The following UTP20 variants were observed in gnomAD, a reference collection of about 807,000 sequenced individuals.
UTP20 encodes small subunit processome component 20 homolog.
In UTP20, 164 loss-of-function variants were observed where a neutral mutation model predicts 329.5. The ratio of observed to expected loss-of-function variants is 0.50; its 90% CI spans 0.44 to 0.57. UTP20 has a LOEUF of 0.57. UTP20 is among the 20% of genes least tolerant of loss of function. UTP20 has a pLI of 0.00. For synonymous variants in UTP20, 1,151 were observed against 1,159.3 expected (o/e 0.99, Z 0.14); for missense variants, 3,055 against 3,284.2 (o/e 0.93, Z 1.71).
rs1425098697 is a variant in UTP20 at position 101,295,476 on chromosome 12, T to G, written c.1252-4T>G. On this transcript the variant is annotated splice_region_variant and splice_polypyrimidine_tract_variant and intron_variant, in intron 11 of 61. Coordinates refer to ENST00000261637, the MANE Select transcript of UTP20 (RefSeq NM_014503.3). ...AAGTGTGATTTTTTTTTTCTTAACT[T>G]TAGCTTTTTCTACCAAGCTTTCTGT... 6 of 1,565,598 alleles carry G rather than the reference T, an allele frequency of 3.8e-6. No individual in the cohort carries two copies. The African/African-American group carries it at 5.4e-5, about 14-fold the overall frequency.
At chr12:101,327,028 A>G (rs1038426364) in intron 25 of UTP20, 53 bp from the exon 26 acceptor site, 1 of 1,539,478 alleles carries the variant, frequency 6.5e-7, no homozygotes, top group Non-Finnish European at 8.8e-7. Flanking sequence ...AAATAAAACA[A>G]CTCATATTTT....
Position 101,312,026 on chromosome 12 carries a change from T to C in UTP20, c.2312-10T>C. 1.2e-6 allele frequency: 2 copies of C among 1,613,976 alleles called. No individual in the cohort carries two copies. The highest frequency in any genetic ancestry group is 4.5e-5 in the East Asian group (2 of 44,888). On this transcript the variant is annotated splice_polypyrimidine_tract_variant and intron_variant, in intron 20 of 61. Transcript: ENST00000261637. ...TTGTCTGGTGGTTATGACAACTTTCTTTCTTGCAGAGAAGGAACTACAGAA... is the reference window on the plus strand; with the variant it reads ...TTGTCTGGTGGTTATGACAACTTTCCTTCTTGCAGAGAAGGAACTACAGAA...
intron 25 of UTP20, among the ~76,000 whole-genome samples, chr12:101,325,234 A>G (rs916029861): frequency 2.0e-5 from 3 of 152,186 alleles, no homozygotes; most frequent in Admixed American, 2.0e-4. Flanking sequence ...CCTCTCTCAG[A>G]ACCCACTTTA....
Position 101,342,565 on chromosome 12 carries a change from A to G in UTP20, c.4221A>G (p.Arg1407=), listed in dbSNP as rs1385087788. The G allele has an allele frequency of 8.1e-6, 13 of 1,612,770 alleles. No individual in the cohort carries two copies. The highest frequency in any genetic ancestry group is 1.3e-5 in the African/African-American group (1 of 74,844). Residue 1407 remains arginine (R), a synonymous_variant, in exon 33 of 62, where the codon AGA becomes AGG. Coordinates refer to ENST00000261637, the MANE Select transcript of UTP20 (RefSeq NM_014503.3). ...LFSVIKNKLS[R]KLLCTVFETL... The stretch of plus-strand genomic sequence containing the variant: ...CAGTTATTAAGAACAAATTGTCAAG[A>G]AAATTGCTTTGTACGGTTTTTGAGG...
Position 101,356,610 on chromosome 12 carries a change from A to T in UTP20, c.5451A>T (p.Glu1817Asp), listed in dbSNP as rs779728964. The change falls in exon 42 of 62, where the codon GAA (glutamate) becomes GAT (aspartate). Residue 1817 changes from glutamate to aspartate, a missense_variant. This residue lies in a region of UTP20 where 2,445 missense variants were observed against 2,575.5 expected (regional missense o/e 0.95). Transcript: ENST00000261637. ...AGTCAAAGGTTGTGAATGATGAGGA[A>T]GTCGTTCGAGTTCCATTAGCTTTTG... is the stretch of plus-strand genomic sequence containing the variant. Reference protein sequence around the residue: ...LVKSKVVNDEEVVRVPLAFAM... With the variant: ...LVKSKVVNDEDVVRVPLAFAM... 13 of 1,614,010 alleles carry T rather than the reference A, an allele frequency of 8.1e-6. No individual in the cohort carries two copies. In the South Asian group the frequency reaches 1.3e-4, roughly 16 times the overall value.
At chr12:101,355,751 A>C (rs2120980822) in intron 41 of UTP20, among the ~76,000 whole-genome samples, 1 of 152,300 alleles carries the variant, frequency 6.6e-6, no homozygotes, top group Non-Finnish European at 1.5e-5. Context: ...TCCTGGTATA[A>C]AATATTGATT....
chr12:101,342,679 G>T, intron 33 of UTP20, 90 bp downstream of exon 33: 1 of 1,534,560 alleles, frequency 6.5e-7, no homozygotes, highest in Non-Finnish European at 8.9e-7. Flanking sequence ...CTTCATGCCA[G>T]GGTGATGTTT....
At position 101,309,830 on chromosome 12, in the gene UTP20, A is replaced by G; in HGVS notation, c.2222A>G (p.Glu741Gly). The part of the protein sequence containing the change: ...NFSALWDPVI[E>G]LISSHAHEME... ...AGTGCACTCTGGGATCCTGTTATTGAACTCATAAGGTAAACATGGGTTAAA... is the reference window on the plus strand; with the variant it reads ...AGTGCACTCTGGGATCCTGTTATTGGACTCATAAGGTAAACATGGGTTAAA... The change falls in exon 19 of 62, where the codon GAA (glutamate) becomes GGA (glycine). Residue 741 changes from glutamate (E) to glycine (G), a missense_variant. Physicochemically the swap from Glu to Gly is moderately conservative, Grantham distance 98. Transcript: ENST00000261637. 1 of 1,613,498 alleles carries G rather than the reference A, an allele frequency of 6.2e-7. No individual in the cohort carries two copies. Among genetic ancestry groups the G allele is most frequent in the Non-Finnish European group, 8.5e-7 (1 of 1,179,852 alleles).
intron 12 of UTP20, among the ~76,000 whole-genome samples, chr12:101,296,240 T>G (rs1032874908): frequency 1.4e-4 from 21 of 152,180 alleles, no homozygotes; most frequent in Non-Finnish European, 2.9e-5. Context: ...TCTGGAACTG[T>G]TCCCTCACCA....
At chr12:101,344,492 C>T (rs1869253350) in intron 35 of UTP20, 103 bp from the exon 36 acceptor site, 1 of 693,800 alleles carries the variant, frequency 1.4e-6, no homozygotes, top group South Asian at 1.8e-5. Flanking sequence ...GGCATTTTTA[C>T]AAGCACAGTG....
At position 101,306,007 on chromosome 12, in the gene UTP20, A is replaced by G. The variant is rs1235750427; in HGVS notation, c.1874A>G (p.Glu625Gly). 6.2e-7 allele frequency: 1 copy of G among 1,613,948 alleles called. No homozygotes were observed. The highest frequency in any genetic ancestry group is 1.7e-5 in the Admixed American group (1 of 60,004). The change falls in exon 16 of 62, where the codon GAG becomes GGG. Residue 625 changes from glutamate (E) to glycine (G), a missense_variant. Physicochemically the swap from Glu to Gly is moderately conservative, Grantham distance 98. Around this residue, in one of 3 missense-constraint regions of UTP20, gnomAD observed 2,445 missense variants for 2,575.5 expected, o/e 0.95. Coordinates refer to ENST00000261637, the MANE Select transcript of UTP20 (RefSeq NM_014503.3). The part of the protein sequence containing the change: ...LCGCKGPLSQ[E>G]ALMELFPKLQ... The stretch of plus-strand genomic sequence containing the variant: ...GGCTGCAAAGGGCCACTTTCCCAGG[A>G]GGCTTTAATGGAATTATTTCCCAAG...
chr12:101,302,632 GA>G (rs1279383443), intron 15 of UTP20, 79 bp downstream of exon 15: 1 of 923,450 alleles, frequency 1.1e-6, no homozygotes, highest in Non-Finnish European at 1.6e-6. Flanking sequence ...TGGACACAAA[GA>G]AAATCCCTTT....
Position 101,284,592 on chromosome 12 carries a change from G to A in UTP20, c.127-978G>A, listed in dbSNP as rs150897511. 3.1e-3 allele frequency among the ~76,000 whole-genome samples: 475 copies of A among 151,988 alleles called. 2 individuals are homozygous for A. The highest frequency in any genetic ancestry group is 0.01 in the African/African-American group (430 of 41,438). ...TTTTTGGTAGAATGATTGTTTTGGG[G>A]GGGTATGCATTTATTTATACATCTA... On this transcript the variant is annotated intron_variant, in intron 2 of 61. Coordinates refer to ENST00000261637, the MANE Select transcript of UTP20 (RefSeq NM_014503.3).
chr12:101,331,173 T>C (rs1374272025), intron 27 of UTP20, among the ~76,000 whole-genome samples: 1 of 152,194 alleles, frequency 6.6e-6, no homozygotes, highest in Non-Finnish European at 1.5e-5. Context: ...TCAGGATTTT[T>C]CTCTAGTTTA....
intron 11 of UTP20, 30 bp downstream of exon 11, chr12:101,293,275 T>C (rs1198307025): frequency 6.3e-7 from 1 of 1,595,004 alleles, no homozygotes; most frequent in South Asian, 1.1e-5. Context: ...CGGAGTATTT[T>C]TAAAAACAAA....
chr12:101,364,369 CAT>C (rs1362671859), intron 45 of UTP20, among the ~76,000 whole-genome samples: 94 of 152,192 alleles, frequency 6.2e-4, no homozygotes, highest in Non-Finnish European at 5.9e-5. Context: ...CATTTATTGA[CAT>C]ATTATATTCT....
chr12:101,322,466 A>G (rs1868396529), intron 25 of UTP20, among the ~76,000 whole-genome samples: 1 of 152,200 alleles, frequency 6.6e-6, no homozygotes, highest in African/African-American at 2.4e-5. Context: ...GAGCAAAAAG[A>G]TGATCCATAA....
chr12:101,371,734 A>G (rs946363443), intron 51 of UTP20, among the ~76,000 whole-genome samples: 6 of 151,918 alleles, frequency 3.9e-5, no homozygotes, highest in East Asian at 1.9e-4. Flanking sequence ...AGGTTTCACC[A>G]TGTTGGCCAG....
chr12:101,339,391 C>G (rs187344273), intron 31 of UTP20, among the ~76,000 whole-genome samples: 3 of 152,216 alleles, frequency 2.0e-5, no homozygotes, highest in Admixed American at 2.0e-4. Context: ...CAATAAGAAG[C>G]TAAAAAGTTT....
Sources: gnomAD v4.1 joint callset for allele counts (sites outside exome capture counted in the v4.1 genomes callset) on GRCh38, gnomAD v4.1.1 for gene constraint, gnomAD v4.1.1 regional missense constraint, MANE v1.5 for transcripts, NCBI Gene and HGNC (gene_info 2026-07-23, HGNC 2026-07-21) for gene names.